Variants in NECAB2 observed in about 807,000 individuals in gnomAD.
NECAB2 encodes N-terminal EF-hand calcium binding protein 2.
Under a neutral mutation model 51.9 loss-of-function variants are expected in NECAB2, and 68 were observed. The observed-to-expected ratio is 1.31, with a 90% CI of 1.08 to 1.60. The LOEUF is 1.60. Ranked by LOEUF, NECAB2 falls within the 40% of genes most tolerant of loss-of-function variation. NECAB2 has a pLI of 0.00. For missense variants in NECAB2, 854 were observed against 490.3 expected (o/e 1.74, Z -7.00); for synonymous variants, 329 against 203.5 (o/e 1.62, Z -5.25).
chr16:83,965,585 C>T, upstream of NECAB2: 2 of 1,613,062 alleles, frequency 1.2e-6, no homozygotes, highest in Non-Finnish European at 1.7e-6. Flanking sequence ...CCCCGAGTAC[C>T]ACAAGGTGCA....
Position 83,998,200 on chromosome 16 carries a change from G to A in NECAB2, c.850-5G>A, listed in dbSNP as rs531745622. On this transcript the variant is annotated splice_region_variant and splice_polypyrimidine_tract_variant and intron_variant, in intron 9 of 12. Coordinates refer to ENST00000305202, the MANE Select transcript of NECAB2 (RefSeq NM_019065.3). ...CCCCACACTGACTCCTGCTGTGCCCGGCAGCACCTGCAGCTGGTCCGGCAG... is the reference window on the plus strand; with the variant it reads ...CCCCACACTGACTCCTGCTGTGCCCAGCAGCACCTGCAGCTGGTCCGGCAG... 180 of 1,607,388 alleles carry A rather than the reference G, an allele frequency of 1.1e-4. No homozygotes were observed. In the East Asian group the frequency reaches 2.5e-3, roughly 22 times the overall value.
At chr16:83,995,086 G>A (rs1290609022) in intron 8 of NECAB2, among the ~76,000 whole-genome samples, 2 of 152,202 alleles carry the variant, frequency 1.3e-5, no homozygotes, top group African/African-American at 2.4e-5. Context: ...GTGATGATTC[G>A]AGAGAGTTTC....
intron 2 of NECAB2, among the ~76,000 whole-genome samples, chr16:83,976,198 C>T (rs771170685): frequency 1.3e-5 from 2 of 152,166 alleles, no homozygotes; most frequent in African/African-American, 2.4e-5. Context: ...GTGGGGGTGC[C>T]TGAGCCAGCA....
At chr16:83,975,899 G>C (rs1016441457) in intron 2 of NECAB2, among the ~76,000 whole-genome samples, 1 of 152,196 alleles carries the variant, frequency 6.6e-6, no homozygotes, top group Non-Finnish European at 1.5e-5. Context: ...GGGGGCCTAC[G>C]TAGGGCATGT....
chr16:84,002,602 C>G lies in NECAB2; in HGVS notation c.*256C>G. On this transcript the variant is annotated 3_prime_UTR_variant, in exon 13 of 13. Coordinates refer to ENST00000305202, the MANE Select transcript of NECAB2 (RefSeq NM_019065.3). ...CTTCCTGGAGCCAGCACCCCTGCCT[C>G]CTGGTCCTGGCCTCTCCCCTACCCC... 1.7e-6 allele frequency: 1 copy of G among 577,870 alleles called. No individual in the cohort carries two copies. 35.8% of individuals were successfully genotyped at this position (577,870 alleles called of 1,614,324 possible).
chr16:83,996,850 C>T (rs1384531429), intron 8 of NECAB2, among the ~76,000 whole-genome samples: 1 of 152,142 alleles, frequency 6.6e-6, no homozygotes, highest in East Asian at 1.9e-4. Context: ...CTGGGGAAGA[C>T]CAGAGAGAAC....
intron 10 of NECAB2, among the ~76,000 whole-genome samples, chr16:83,998,664 G>C (rs1288584149): frequency 6.6e-6 from 1 of 152,248 alleles, no homozygotes; most frequent in Non-Finnish European, 1.5e-5. Flanking sequence ...CGCTCAGTCA[G>C]CCTCAGCTGC....
At chr16:83,990,241 C>G (rs1480420098) in intron 5 of NECAB2, among the ~76,000 whole-genome samples, 2 of 152,274 alleles carry the variant, frequency 1.3e-5, no homozygotes, top group East Asian at 1.9e-4. Flanking sequence ...TTCAGTGACC[C>G]CATTATACTC....
At chr16:83,984,650 G>T (rs1360693612) in intron 5 of NECAB2, among the ~76,000 whole-genome samples, 2 of 152,068 alleles carry the variant, frequency 1.3e-5, no homozygotes, top group South Asian at 2.1e-4. Context: ...AGGATCTCTG[G>T]AGCCTGGGAA....
intron 5 of NECAB2, among the ~76,000 whole-genome samples, chr16:83,989,996 G>C (rs575684819): frequency 6.6e-6 from 1 of 152,176 alleles, no homozygotes; most frequent in South Asian, 2.1e-4. Flanking sequence ...AGGAGCCCTA[G>C]GAATCCTCCT....
chr16:83,982,002 C>T (rs529164699), intron 5 of NECAB2, among the ~76,000 whole-genome samples: 58 of 152,290 alleles, frequency 3.8e-4, no homozygotes, highest in African/African-American at 1.4e-3. Flanking sequence ...CCTTTCTGAG[C>T]CTCAGTTTTT....
chr16:83,987,039 T>C (rs1265996687), intron 5 of NECAB2, among the ~76,000 whole-genome samples: 1 of 152,156 alleles, frequency 6.6e-6, no homozygotes, highest in Non-Finnish European at 1.5e-5. Flanking sequence ...ATAAAAATAA[T>C]AAAACATAAA....
intron 2 of NECAB2, among the ~76,000 whole-genome samples, chr16:83,973,342 T>C (rs1411078989): frequency 6.6e-6 from 1 of 151,920 alleles, no homozygotes; most frequent in South Asian, 2.1e-4. Context: ...CAGGGTGGAG[T>C]TGGAGGCCTT....
At chr16:83,986,679 A>AT (rs113038465) in intron 5 of NECAB2, among the ~76,000 whole-genome samples, 6,635 of 135,060 alleles carry the variant, frequency 0.049, 186 homozygotes, top group African/African-American at 0.077. Context: ...CTCACGGCAA[A>AT]TTTTTTTTTT....
At chr16:83,993,710 A>C (rs967381987) in intron 6 of NECAB2, 6 of 155,264 alleles carry the variant, frequency 3.9e-5, no homozygotes, top group Non-Finnish European at 5.6e-5. Context: ...CAGGGCACGC[A>C]GGGGTGTGTA....
chr16:83,992,028 T>C (rs1028897568), intron 6 of NECAB2, among the ~76,000 whole-genome samples: 7 of 152,136 alleles, frequency 4.6e-5, no homozygotes, highest in African/African-American at 7.2e-5. Flanking sequence ...TCACATGCCG[T>C]AAGTGAAGTA....
In NECAB2 at chr16:84,002,577, C is replaced by T. The variant is rs2084860230; in HGVS notation, c.*231C>T. 3 of 601,810 alleles carry T rather than the reference C, an allele frequency of 5.0e-6. No homozygotes were observed. Among genetic ancestry groups the T allele is most frequent in the Non-Finnish European group, 8.8e-6 (3 of 341,510 alleles). 37.3% of individuals were successfully genotyped at this position (601,810 alleles called of 1,614,324 possible). ...TGAAGCCCAAGGTTGAAGGGGGCGG[C>T]TTCCTGGAGCCAGCACCCCTGCCTC... On this transcript the variant is annotated 3_prime_UTR_variant, in exon 13 of 13. Coordinates refer to ENST00000305202, the MANE Select transcript of NECAB2 (RefSeq NM_019065.3).
intron 2 of NECAB2, among the ~76,000 whole-genome samples, chr16:83,974,662 ATTC>A (rs1474203629): frequency 6.6e-6 from 1 of 152,212 alleles, no homozygotes; most frequent in African/African-American, 2.4e-5. Flanking sequence ...GGCACGTGAT[ATTC>A]TTCACATGGT....
At chr16:83,983,490 T>C (rs576842381) in intron 5 of NECAB2, among the ~76,000 whole-genome samples, 2 of 152,360 alleles carry the variant, frequency 1.3e-5, no homozygotes, top group Admixed American at 6.5e-5. Flanking sequence ...CTTGTCAGCA[T>C]GTTGGAGAAA....
Sources: gnomAD v4.1 joint callset for allele counts (sites outside exome capture counted in the v4.1 genomes callset) on GRCh38, gnomAD v4.1.1 for gene constraint, MANE v1.5 for transcripts, NCBI Gene and HGNC (gene_info 2026-07-23, HGNC 2026-07-21) for gene names.